SLC8A2: variants seen among roughly 807,000 people sequenced by gnomAD.
SLC8A2 encodes the protein solute carrier family 8 member A2.
SLC8A2 carries 14 observed loss-of-function variants against 70.2 expected under a neutral mutation model. That is an observed-to-expected ratio of 0.20 (90% confidence interval 0.13 to 0.31). The LOEUF is 0.31. Ranked by LOEUF, SLC8A2 falls within the 10% of genes least tolerant of loss-of-function variation. SLC8A2 has a pLI of 1.00. For missense variants in SLC8A2, 779 were observed against 1,320.1 expected, an observed-to-expected ratio of 0.59 and a Z score of 6.35; for synonymous variants, 575 against 594.3, an observed-to-expected ratio of 0.97 and a Z score of 0.47.
At position 47,441,391 on chromosome 19, in the gene SLC8A2, C is replaced by T; in HGVS notation, c.1813G>A (p.Asp605Asn). ...TGGCCCAGCTCAATGAAGAAATTATCCTTTTTCTCATATTCCTCGTCATCA... is the reference window on the plus strand; with the variant it reads ...TGGCCCAGCTCAATGAAGAAATTATTCTTTTTCTCATATTCCTCGTCATCA... ...IVDDEEYEKK[D>N]NFFIELGQPQ... is the part of the protein sequence containing the mutation. Residue 605 changes from aspartate (D) to asparagine (N), a missense_variant, in exon 5 of 10, where the codon GAT (aspartate) becomes AAT (asparagine). Transcript: ENST00000236877. 2 of 1,614,008 alleles carry T rather than the reference C, an allele frequency of 1.2e-6. No homozygotes were observed. The highest frequency in any genetic ancestry group is 1.7e-6 in the Non-Finnish European group (2 of 1,179,898).
At position 47,466,324 on chromosome 19, in the gene SLC8A2, G is replaced by T; in HGVS notation, c.80C>A (p.Ser27Tyr). 1.4e-6 allele frequency: 2 copies of T among 1,477,920 alleles called. No individual in the cohort carries two copies. 91.6% of individuals were successfully genotyped at this position (1,477,920 alleles called of 1,614,324 possible). A position where few individuals can be genotyped will look rare whatever the true frequency, so the allele number is the denominator to read the frequency against. The part of the protein sequence containing the change: ...PCSGAATPTP[S>Y]LPPPPANDSD... ...GTCATTGGCCGGGGGAGGCGGCAGGGAGGGGGTTGGGGTGGCTGCCCCGGA... is the reference window on the plus strand; with the variant it reads ...GTCATTGGCCGGGGGAGGCGGCAGGTAGGGGGTTGGGGTGGCTGCCCCGGA... Residue 27 changes from serine to tyrosine, a missense_variant, in exon 2 of 10, where the codon TCC (serine) becomes TAC (tyrosine). Transcript: ENST00000236877. The surrounding 1 kb of genome is among the most constrained non-coding windows in gnomAD (Gnocchi z 6.9).
chr19:47,428,285 A>T lies in SLC8A2; in HGVS notation c.*1804T>A, dbSNP rs1396501876. 1 of 149,902 alleles carries T rather than the reference A, an allele frequency of 6.7e-6. No individual in the cohort carries two copies. Among genetic ancestry groups the T allele is most frequent in the Non-Finnish European group, 1.5e-5 (1 of 67,650 alleles). The allele number at this position is 149,902 out of a possible 1,614,324, so 9.3% of individuals were successfully genotyped here. A position where few individuals can be genotyped will look rare whatever the true frequency, so the allele number is the denominator to read the frequency against. ...GTTAGTGGAAACCCGTAATTGACGG[A>T]TGCGGGCGTAGCAAGTGGAGGAGCT... On this transcript the variant is annotated 3_prime_UTR_variant, in exon 10 of 10. Coordinates refer to ENST00000236877, the MANE Select transcript of SLC8A2 (RefSeq NM_015063.3).
rs760876304 is a variant in SLC8A2, at chr19:47,448,204, G to T, written c.1368C>A (p.Gly456=). Residue 456 remains glycine (G), a synonymous_variant, in exon 4 of 10, where the codon GGC becomes GGA. Coordinates refer to ENST00000236877, the MANE Select transcript of SLC8A2 (RefSeq NM_015063.3). The surrounding 1 kb of genome is among the most constrained non-coding windows in gnomAD (Gnocchi z 4.8). The stretch of plus-strand genomic sequence containing the variant: ...CGATGCGCAGCTCCTTCTGCGTCTC[G>T]CCTGGTTTGAACACCAGCGTGCCCT... ...YSEGTLVFKP[G]ETQKELRIGI... 2.5e-6 allele frequency: 4 copies of T among 1,606,232 alleles called. No homozygotes were observed. In the Admixed American group the frequency reaches 5.0e-5, roughly 20 times the overall value.
At chr19:47,439,864 A>G (rs148139602) in intron 6 of SLC8A2, among the ~76,000 whole-genome samples, 110 of 152,226 alleles carry the variant, frequency 7.2e-4, no homozygotes, top group African/African-American at 2.6e-3. Flanking sequence ...GGGTTTCACC[A>G]TGTTGGTTAG....
chr19:47,430,287 G>A lies in SLC8A2; in HGVS notation c.2568C>T (p.Ala856=), dbSNP rs143592083. ...AGACGGTGAAGAGCGTGACGGAGAA[G>A]GCCAGCGTGCCAGTGCGCACCTCGA... The part of the protein sequence containing the change: ...RPFEVRTGTL[A]FSVTLFTVFA... Residue 856 remains alanine (A), a synonymous_variant, in exon 10 of 10, where the codon GCC becomes GCT. Coordinates refer to ENST00000236877, the MANE Select transcript of SLC8A2 (RefSeq NM_015063.3). This position sits in a 1 kb window ranked among gnomAD's most constrained non-coding sequence, Gnocchi z 5.9. 5.0e-5 allele frequency: 80 copies of A among 1,612,562 alleles called. No individual in the cohort carries two copies. Among genetic ancestry groups the A allele is most frequent in the Non-Finnish European group, 6.6e-5 (78 of 1,179,370 alleles).
At chr19:47,436,435 C>T (rs1967030039) in intron 8 of SLC8A2, among the ~76,000 whole-genome samples, 1 of 152,198 alleles carries the variant, frequency 6.6e-6, no homozygotes, top group Non-Finnish European at 1.5e-5. Context: ...AGAAGTATGT[C>T]AGAAGAATGT....
chr19:47,448,458 C>A lies in SLC8A2; in HGVS notation c.1341-227G>T, dbSNP rs1358143493. Among the ~76,000 whole-genome samples the A allele has an allele frequency of 6.6e-6, 1 of 152,064 alleles. No homozygotes were observed. The highest frequency in any genetic ancestry group is 1.5e-5 in the Non-Finnish European group (1 of 68,020). ...GAACAAGACAGAGTGGGCCCCTCCC[C>A]GCGTGGAACTCGTGAAGAGCAGAAG... On this transcript the variant is annotated intron_variant, in intron 3 of 9. Transcript: ENST00000236877. This position sits in a 1 kb window ranked among gnomAD's most constrained non-coding sequence, Gnocchi z 4.8.
At chr19:47,441,519 G>C in intron 4 of SLC8A2, 79 bp from the exon 5 acceptor site, 1 of 792,728 alleles carries the variant, frequency 1.3e-6, no homozygotes, top group East Asian at 2.7e-5. Flanking sequence ...CCTCCTGGCA[G>C]CCACCCAGTT....
rs751600005 is a variant in SLC8A2, at chr19:47,447,844, C to A, written c.1728G>T (p.Ala576=). ...ARGGGVHYED[A]CGELEFGDDE... The stretch of plus-strand genomic sequence containing the variant: ...CGTCGCCAAACTCCAGCTCTCCGCA[C>A]GCGTCCTCGTAGTGCACGCCGCCGC... Residue 576 remains alanine, a synonymous_variant, in exon 4 of 10, where the codon GCG becomes GCT. Coordinates refer to ENST00000236877, the MANE Select transcript of SLC8A2 (RefSeq NM_015063.3). This position sits in a 1 kb window ranked among gnomAD's most constrained non-coding sequence, Gnocchi z 5.1. 2 of 1,595,642 alleles carry A rather than the reference C, an allele frequency of 1.3e-6. No homozygotes were observed. The highest frequency in any genetic ancestry group is 1.7e-6 in the Non-Finnish European group (2 of 1,176,404).
chr19:47,463,617 G>A (rs1432852083), intron 2 of SLC8A2, among the ~76,000 whole-genome samples: 1 of 147,558 alleles, frequency 6.8e-6, no homozygotes, highest in Non-Finnish European at 1.5e-5. Flanking sequence ...TGTAATCTCA[G>A]CTACTCAGGA....
At chr19:47,469,151 T>TGC (rs1347083529) in intron 1 of SLC8A2, among the ~76,000 whole-genome samples, 1 of 151,126 alleles carries the variant, frequency 6.6e-6, no homozygotes, top group African/African-American at 2.4e-5. Flanking sequence ...TGTGTGTGTG[T>TGC]GTGCAGGCAA....
chr19:47,452,289 A>G (rs536686542), intron 3 of SLC8A2, among the ~76,000 whole-genome samples: 1 of 151,872 alleles, frequency 6.6e-6, no homozygotes, highest in African/African-American at 2.4e-5. Context: ...ATCTTGGCTC[A>G]CTGCAACCTC....
intron 2 of SLC8A2, among the ~76,000 whole-genome samples, chr19:47,460,770 T>C (rs1401922500): frequency 6.6e-6 from 1 of 151,852 alleles, no homozygotes; most frequent in Non-Finnish European, 1.5e-5. Context: ...ATCTTGGGCT[T>C]GCAGAGGCCT....
chr19:47,441,381 A>T lies in SLC8A2; in HGVS notation c.1823T>A (p.Phe608Tyr). The T allele has an allele frequency of 6.2e-7, 1 of 1,614,018 alleles. No individual in the cohort carries two copies. Among genetic ancestry groups the T allele is most frequent in the Non-Finnish European group, 8.5e-7 (1 of 1,179,900 alleles). ...DEEYEKKDNF[F>Y]IELGQPQWLK... ...CCACTGGGGCTGGCCCAGCTCAATG[A>T]AGAAATTATCCTTTTTCTCATATTC... is the stretch of plus-strand genomic sequence containing the variant. Residue 608 changes from phenylalanine (F) to tyrosine (Y), a missense_variant, in exon 5 of 10, where the codon TTC becomes TAC. Transcript: ENST00000236877.
chr19:47,442,266 C>T (rs1967108559), intron 4 of SLC8A2, among the ~76,000 whole-genome samples: 2 of 152,194 alleles, frequency 1.3e-5, no homozygotes, highest in South Asian at 4.1e-4. Flanking sequence ...CAATCCCATG[C>T]TTCAGCCTCA....
Position 47,428,410 on chromosome 19 carries a change from A to T in SLC8A2, c.*1679T>A. 9.1e-6 allele frequency: 1 copy of T among 110,052 alleles called. No homozygotes were observed. The highest frequency in any genetic ancestry group is 1.8e-5 in the Non-Finnish European group (1 of 54,280). 6.8% of individuals were successfully genotyped at this position (110,052 alleles called of 1,614,324 possible). A position where few individuals can be genotyped will look rare whatever the true frequency, so the allele number is the denominator to read the frequency against. On this transcript the variant is annotated 3_prime_UTR_variant, in exon 10 of 10. Coordinates refer to ENST00000236877, the MANE Select transcript of SLC8A2 (RefSeq NM_015063.3). The stretch of plus-strand genomic sequence containing the variant: ...GCTTGTGGAAGCCCATGACTGATGG[A>T]TGGGGGTGTGGCTAGTGGAAGAGCT...
rs1298864873 is a variant in SLC8A2, at chr19:47,447,172, C to T, written c.1763+637G>A. ...GCCCCACCCATCTTGTTAGGCCCCGCCTTCTTCCGCAGCCCACATCCATTT... is the reference window on the plus strand; with the variant it reads ...GCCCCACCCATCTTGTTAGGCCCCGTCTTCTTCCGCAGCCCACATCCATTT... On this transcript the variant is annotated intron_variant, in intron 4 of 9. Transcript: ENST00000236877. The surrounding 1 kb of genome is among the most constrained non-coding windows in gnomAD (Gnocchi z 5.1). Among the ~76,000 whole-genome samples the T allele has an allele frequency of 6.6e-6, 1 of 151,894 alleles. No individual in the cohort carries two copies. Among genetic ancestry groups the T allele is most frequent in the Non-Finnish European group, 1.5e-5 (1 of 67,958 alleles).
At chr19:47,450,233 G>A (rs1426734946) in intron 3 of SLC8A2, among the ~76,000 whole-genome samples, 1 of 152,042 alleles carries the variant, frequency 6.6e-6, no homozygotes, top group African/African-American at 2.4e-5. Context: ...ATATTAAAGG[G>A]GTTCTGGGGC....
chr19:47,445,429 T>C (rs2122627484), intron 4 of SLC8A2, among the ~76,000 whole-genome samples: 1 of 152,224 alleles, frequency 6.6e-6, no homozygotes, highest in Non-Finnish European at 1.5e-5. Flanking sequence ...TGTCTTTCTG[T>C]GTCTCTGTCT....
Sources: gnomAD v4.1 joint callset for allele counts (sites outside exome capture counted in the v4.1 genomes callset) on GRCh38, gnomAD v4.1.1 for gene constraint, Gnocchi (gnomAD v3.1) non-coding constraint, MANE v1.5 for transcripts, NCBI Gene and HGNC (gene_info 2026-07-23, HGNC 2026-07-21) for gene names.